The following SKA2 variants were observed in gnomAD, a reference collection of about 807,000 sequenced individuals.
The protein encoded by SKA2 is spindle and kinetochore associated complex subunit 2, also known as spindle and kinetochore-associated protein 2.
SKA2 carries 13 observed loss-of-function variants against 16.9 expected under a neutral mutation model. That is an observed-to-expected ratio of 0.77 (90% CI 0.50 to 1.22). SKA2 has a LOEUF of 1.22. Ranked by LOEUF, SKA2 falls within the 50% of genes most tolerant of loss-of-function variation. The probability of loss-of-function intolerance (pLI) is 0.00; values close to 1 mark genes in which losing one functional copy is unlikely to be tolerated. For synonymous variants in SKA2, 47 were observed against 48.5 expected (o/e 0.97, Z 0.13); for missense variants, 107 against 139.7 (o/e 0.77, Z 1.18).
intron 1 of SKA2, among the ~76,000 whole-genome samples, chr17:59,134,158 A>T (rs1216790302): frequency 6.6e-6 from 1 of 152,208 alleles, no homozygotes; most frequent in Non-Finnish European, 1.5e-5. Context: ...TTTCCTATAA[A>T]TAAGAAAAGT....
intron 1 of SKA2, among the ~76,000 whole-genome samples, chr17:59,152,784 A>C (rs2046587313): frequency 6.6e-6 from 1 of 152,022 alleles, no homozygotes; most frequent in Admixed American, 6.6e-5. Context: ...AACACAAAGC[A>C]GTAATAATTA....
chr17:59,153,124 G>A (rs909889071), intron 1 of SKA2, among the ~76,000 whole-genome samples: 13 of 152,258 alleles, frequency 8.5e-5, no homozygotes, highest in African/African-American at 2.9e-4. Context: ...AAAGCCAGAC[G>A]AAGTTTAAAA....
intron 1 of SKA2, among the ~76,000 whole-genome samples, chr17:59,132,433 G>A (rs1223837222): frequency 6.6e-6 from 1 of 152,186 alleles, no homozygotes; most frequent in Non-Finnish European, 1.5e-5. Context: ...GGAGGCTGAG[G>A]CGGGCGGGTC....
intron 1 of SKA2, among the ~76,000 whole-genome samples, chr17:59,154,485 G>T (rs1183333018): frequency 6.6e-6 from 1 of 152,194 alleles, no homozygotes; most frequent in East Asian, 1.9e-4. Context: ...TGCCTTTCCT[G>T]TCTCAATCCC....
intron 1 of SKA2, among the ~76,000 whole-genome samples, chr17:59,154,357 C>G (rs1274380272): frequency 6.6e-6 from 1 of 151,972 alleles, no homozygotes; most frequent in Admixed American, 6.6e-5. Flanking sequence ...GACAGCCCCC[C>G]AGCTGGGCGC....
chr17:59,143,513 C>G (rs1162024800), intron 1 of SKA2, among the ~76,000 whole-genome samples: 2 of 152,262 alleles, frequency 1.3e-5, no homozygotes, highest in Admixed American at 1.3e-4. Flanking sequence ...TCTCGAGTAG[C>G]TGGGATTACA....
At chr17:59,143,797 T>C (rs1210435137) in intron 1 of SKA2, among the ~76,000 whole-genome samples, 1 of 152,160 alleles carries the variant, frequency 6.6e-6, no homozygotes, top group Non-Finnish European at 1.5e-5. Context: ...GATGTTTACA[T>C]GTAGATGTTT....
At chr17:59,143,932 C>A (rs1472507633) in intron 1 of SKA2, among the ~76,000 whole-genome samples, 1 of 151,974 alleles carries the variant, frequency 6.6e-6, no homozygotes, top group African/African-American at 2.4e-5. Context: ...CCGAAGCGGG[C>A]GGATCATGAT....
rs909458290 is a variant in SKA2 at position 59,116,810 on chromosome 17, C to CTTTTTTTTTTTTTTTTT, written c.297+2492_297+2508dup. ...AGGCCTTAGCTCTATCTGCCTTTGG[C>CTTTTTTTTTTTTTTTTT]TTTTTTTTTTTTTTTTTTTTTTTTT... On this transcript the variant is annotated intron_variant, in intron 3 of 3. Transcript: ENST00000330137. 1.6e-4 allele frequency among the ~76,000 whole-genome samples: 12 copies of CTTTTTTTTTTTTTTTTT among 75,300 alleles called. 2 individuals are homozygous for CTTTTTTTTTTTTTTTTT. The highest frequency in any genetic ancestry group is 1.5e-3 in the East Asian group (3 of 2,028). 49.4% of individuals were successfully genotyped at this position (75,300 alleles called of 152,430 possible).
chr17:59,154,623 A>T (rs2046607290), intron 1 of SKA2, among the ~76,000 whole-genome samples: 1 of 152,090 alleles, frequency 6.6e-6, no homozygotes, highest in African/African-American at 2.4e-5. Context: ...TTGTGCATAC[A>T]AGTCTAGCAT....
Position 59,109,981 on chromosome 17 carries a change from C to T in SKA2, c.*2296G>A, listed in dbSNP as rs1001270177. ...GAAAGAGGATTGTAGGTTTTATTGA[C>T]TAAGAAGATAAAGGGATGCAAATTA... is the stretch of plus-strand genomic sequence containing the variant. On this transcript the variant is annotated 3_prime_UTR_variant, in exon 4 of 4. Coordinates refer to ENST00000330137, the MANE Select transcript of SKA2 (RefSeq NM_182620.4). 2.0e-5 allele frequency: 3 copies of T among 152,070 alleles called. No homozygotes were observed. Among genetic ancestry groups the T allele is most frequent in the Admixed American group, 1.3e-4 (2 of 15,262 alleles). The allele number at this position is 152,070 out of a possible 1,614,324, so 9.4% of individuals were successfully genotyped here.
intron 2 of SKA2, among the ~76,000 whole-genome samples, chr17:59,127,601 G>C (rs1455374880): frequency 2.6e-5 from 4 of 151,938 alleles, no homozygotes; most frequent in Non-Finnish European, 5.9e-5. Context: ...TAGCCAGGCT[G>C]GTCTTAAACT....
At chr17:59,149,586 C>T (rs1278706801) in intron 1 of SKA2, among the ~76,000 whole-genome samples, 1 of 152,024 alleles carries the variant, frequency 6.6e-6, no homozygotes. Flanking sequence ...ATCACTTGAG[C>T]TCAAGAATTC....
chr17:59,135,310 C>CTTTTTTTTTTTTTTTTTTTTTTTT (rs71145527), intron 1 of SKA2, among the ~76,000 whole-genome samples: 1 of 126,128 alleles, frequency 7.9e-6, no homozygotes. Flanking sequence ...ACTAAACTGT[C>CTTTTTTTTTTTTTTTTTTTTTTTT]TTTTTTTTTT....
chr17:59,130,100 T>A (rs1386965403), intron 2 of SKA2, among the ~76,000 whole-genome samples: 1 of 151,286 alleles, frequency 6.6e-6, no homozygotes, highest in African/African-American at 2.4e-5. Context: ...AAGAAAAGAA[T>A]AGGGAGCTAG....
Position 59,154,172 on chromosome 17 carries a change from G to GAA in SKA2, c.33+957_33+958dup, listed in dbSNP as rs111310705. Among the ~76,000 whole-genome samples, 534 of 114,816 alleles carry GAA rather than the reference G, an allele frequency of 4.7e-3. 3 individuals carry two copies. The highest frequency in any genetic ancestry group is 5.6e-3 in the African/African-American group (173 of 31,044). 75.3% of individuals were successfully genotyped at this position (114,816 alleles called of 152,430 possible). A position where few individuals can be genotyped will look rare whatever the true frequency, so the allele number is the denominator to read the frequency against. ...TTTTAAGGAAAGCAGCCCAACCTGG[G>GAA]AAAAAAAAAAAAAAAGAAAAGAAAA... On this transcript the variant is annotated intron_variant, in intron 1 of 3. Transcript: ENST00000330137.
At chr17:59,151,046 C>A in intron 1 of SKA2, 1 of 442,806 alleles carries the variant, frequency 2.3e-6, no homozygotes, top group African/African-American at 2.1e-5. Context: ...TTAGTAACAA[C>A]ATTATAGTTC....
At chr17:59,138,777 A>C (rs1055292866) in intron 1 of SKA2, among the ~76,000 whole-genome samples, 1 of 152,154 alleles carries the variant, frequency 6.6e-6, no homozygotes, top group African/African-American at 2.4e-5. Flanking sequence ...GCTTTAAGTA[A>C]GTGGCACAAG....
intron 1 of SKA2, among the ~76,000 whole-genome samples, chr17:59,147,693 G>A (rs1211460862): frequency 6.6e-6 from 1 of 150,426 alleles, no homozygotes; most frequent in East Asian, 2.0e-4. Flanking sequence ...CGAACTACTG[G>A]GCTCAAGTGA....
Sources: allele counts gnomAD v4.1 joint callset (sites outside exome capture counted in the v4.1 genomes callset), GRCh38; gene constraint gnomAD v4.1.1; transcripts MANE v1.5; gene names NCBI Gene and HGNC (gene_info 2026-07-23, HGNC 2026-07-21).